The following SLC26A8 variants were observed in gnomAD, a reference collection of about 807,000 sequenced individuals.
SLC26A8 encodes testis anion transporter 1.
SLC26A8 carries 70 observed loss-of-function variants against 105.0 expected under a neutral mutation model. The ratio of observed to expected loss-of-function variants is 0.67; its 90% CI spans 0.55 to 0.81. The LOEUF (loss-of-function observed/expected upper bound fraction) is 0.81, where lower values mean the gene tolerates loss of function less well. SLC26A8 is among the 40% of genes least tolerant of loss of function. The probability of loss-of-function intolerance (pLI) is 0.00; values close to 1 mark genes in which losing one functional copy is unlikely to be tolerated. For missense variants in SLC26A8, 998 were observed against 1,181.8 expected (o/e 0.84, Z 2.28); for synonymous variants, 415 against 438.3 (o/e 0.95, Z 0.66).
At chr6:36,000,394 T>C (rs1373518486) in intron 3 of SLC26A8, among the ~76,000 whole-genome samples, 11 of 152,194 alleles carry the variant, frequency 7.2e-5, no homozygotes, top group Admixed American at 2.0e-4. Flanking sequence ...GCAAATACCA[T>C]AGCAATAAGA....
chr6:35,966,354 T>C lies in SLC26A8; in HGVS notation c.1365+2523A>G, dbSNP rs571637494. On this transcript the variant is annotated intron_variant, in intron 11 of 19. Coordinates refer to ENST00000490799, the MANE Select transcript of SLC26A8 (RefSeq NM_052961.4). ...GGGAAGGAAAATAAACTCAACCTCA[T>C]AGGGTTTTTGAAAGGTTTTTGACTT... Among the ~76,000 whole-genome samples, 6 of 152,282 alleles carry C rather than the reference T, an allele frequency of 3.9e-5. No homozygotes were observed. The East Asian group carries it at 9.6e-4, about 24-fold the overall frequency.
chr6:35,970,888 C>A (rs367637873), intron 10 of SLC26A8, among the ~76,000 whole-genome samples: 12 of 152,054 alleles, frequency 7.9e-5, no homozygotes, highest in Admixed American at 2.0e-4. Flanking sequence ...ATTAGCTGGG[C>A]GTAGTGGCAG....
At chr6:35,960,262 C>T (rs943353084) in intron 14 of SLC26A8, 25 of 158,956 alleles carry the variant, frequency 1.6e-4, no homozygotes, top group Non-Finnish European at 1.4e-5. Flanking sequence ...CTGCTGTCTT[C>T]TTTCTCCCTT....
rs755136588 is a variant in SLC26A8 at position 35,982,424 on chromosome 6, C to G, written c.943-221G>C. 5.9e-4 allele frequency among the ~76,000 whole-genome samples: 90 copies of G among 152,258 alleles called. 1 individual carries two copies. Among genetic ancestry groups the G allele is most frequent in the Admixed American group, 4.2e-3 (64 of 15,280 alleles). ...TCTTTTGGTTCTCTAAGCCAGAGTG[C>G]AAAACAACTTGGTCTGTGAACATGA... On this transcript the variant is annotated intron_variant, in intron 7 of 19. Transcript: ENST00000490799.
chr6:35,944,233 C>T lies in SLC26A8; in HGVS notation c.2580G>A (p.Leu860=). The T allele has an allele frequency of 6.2e-7, 1 of 1,614,066 alleles. No homozygotes were observed. The highest frequency in any genetic ancestry group is 8.5e-7 in the Non-Finnish European group (1 of 1,179,968). Residue 860 remains leucine (L), a synonymous_variant, in exon 20 of 20, where the codon TTG becomes TTA. Transcript: ENST00000490799. ...CTTGTTCTGATTCCAGCTCCAAATC[C>T]AACTCCGACTCCTCTTCTACAGGCT... The part of the protein sequence containing the change: ...IQQPVEEESE[L]DLELESEQEA...
rs192413218 is a variant in SLC26A8, at chr6:35,953,108, G to A, written c.2233-1609C>T. On this transcript the variant is annotated intron_variant, in intron 17 of 19. Coordinates refer to ENST00000490799, the MANE Select transcript of SLC26A8 (RefSeq NM_052961.4). ...AAATAGAATGATTTCTTCCAATAAG[G>A]AGGCAGTATACACAACTACAAAGGA... is the stretch of plus-strand genomic sequence containing the variant. Among the ~76,000 whole-genome samples the A allele has an allele frequency of 3.8e-3, 580 of 151,914 alleles. 6 individuals carry two copies. The Middle Eastern group carries it at 0.055, about 14-fold the overall frequency.
chr6:36,024,139 A>AGTCT (rs1562082218), intron 1 of SLC26A8, among the ~76,000 whole-genome samples: 1 of 152,118 alleles, frequency 6.6e-6, no homozygotes, highest in East Asian at 1.9e-4. Flanking sequence ...TCTGAAAGGA[A>AGTCT]GAGGAACGGC....
intron 19 of SLC26A8, among the ~76,000 whole-genome samples, chr6:35,947,037 AT>A (rs956084220): frequency 4.0e-5 from 6 of 150,234 alleles, no homozygotes; most frequent in African/African-American, 9.8e-5. Context: ...TTATTTTTTA[AT>A]TTTTTTTTGA....
chr6:35,955,555 G>C (rs1241323275), intron 16 of SLC26A8, 35 bp from the exon 17 acceptor site: 2 of 1,602,496 alleles, frequency 1.2e-6, no homozygotes, highest in Non-Finnish European at 1.7e-6. Context: ...GCTGTGGTAA[G>C]ACACCAACAA....
intron 10 of SLC26A8, among the ~76,000 whole-genome samples, chr6:35,973,704 G>A (rs948287574): frequency 6.6e-6 from 1 of 152,132 alleles, no homozygotes; most frequent in African/African-American, 2.4e-5. Context: ...TAATCTTTCT[G>A]ACTTGTATTA....
chr6:36,002,208 G>A (rs905616053), intron 3 of SLC26A8, among the ~76,000 whole-genome samples: 1 of 152,146 alleles, frequency 6.6e-6, no homozygotes, highest in Non-Finnish European at 1.5e-5. Flanking sequence ...CCTCATCAGA[G>A]ACTGGAACCG....
intron 2 of SLC26A8, among the ~76,000 whole-genome samples, chr6:36,015,812 A>G (rs1761981072): frequency 8.0e-6 from 1 of 124,448 alleles, no homozygotes; most frequent in Admixed American, 8.3e-5. Context: ...CAAGGAGAGG[A>G]CAGTCTGGAG....
chr6:36,020,958 T>C (rs1328453429), intron 1 of SLC26A8, among the ~76,000 whole-genome samples: 1 of 152,234 alleles, frequency 6.6e-6, no homozygotes, highest in Non-Finnish European at 1.5e-5. Flanking sequence ...CAACATTTAT[T>C]GGGCATTTAT....
At chr6:35,982,355 G>A in intron 7 of SLC26A8, 152 bp from the exon 8 acceptor site, 1 of 694,538 alleles carries the variant, frequency 1.4e-6, no homozygotes, top group Non-Finnish European at 2.4e-6. Context: ...GAGAGGCATG[G>A]CTAGTTCAGC....
At chr6:36,013,433 G>A (rs1359272667) in intron 2 of SLC26A8, among the ~76,000 whole-genome samples, 3 of 152,016 alleles carry the variant, frequency 2.0e-5, no homozygotes, top group South Asian at 2.1e-4. Flanking sequence ...TGCTCGCCTC[G>A]GCCTCCCAAA....
chr6:36,008,770 T>C (rs1761763613), intron 3 of SLC26A8, among the ~76,000 whole-genome samples: 1 of 152,100 alleles, frequency 6.6e-6, no homozygotes, highest in South Asian at 2.1e-4. Flanking sequence ...TATGAAAAGG[T>C]GTTAAATATC....
Position 35,951,246 on chromosome 6 carries a change from A to G in SLC26A8, c.2389T>C (p.Ser797Pro). The change falls in exon 19 of 20, where the codon TCA (serine) becomes CCA (proline). Residue 797 changes from serine to proline, a missense_variant. Ser to Pro is a moderately conservative substitution (Grantham distance 74). Transcript: ENST00000490799. ...TCAGAGGAGCCTATGACCTTCCTTG[A>G]CAAGGCAAACAGCACGGCGTCGTGA... is the stretch of plus-strand genomic sequence containing the variant. ...SVHDAVLFAL[S>P]RKVIGSSELS... 1 of 1,614,050 alleles carries G rather than the reference A, an allele frequency of 6.2e-7. No homozygotes were observed. Among genetic ancestry groups the G allele is most frequent in the Non-Finnish European group, 8.5e-7 (1 of 1,180,018 alleles).
intron 2 of SLC26A8, among the ~76,000 whole-genome samples, chr6:36,014,153 T>C (rs771869411): frequency 6.6e-6 from 1 of 152,194 alleles, no homozygotes. Flanking sequence ...TGAGCCTCTG[T>C]GGAGAAGAGT....
chr6:35,955,137 C>A lies in SLC26A8; in HGVS notation c.2232+15G>T, dbSNP rs372482858. 4.3e-6 allele frequency: 7 copies of A among 1,613,748 alleles called. No homozygotes were observed. Among genetic ancestry groups the A allele is most frequent in the Non-Finnish European group, 5.9e-6 (7 of 1,179,944 alleles). On this transcript the variant is annotated intron_variant, in intron 17 of 19. Coordinates refer to ENST00000490799, the MANE Select transcript of SLC26A8 (RefSeq NM_052961.4). The stretch of plus-strand genomic sequence containing the variant: ...GGGGGATCAGAGCTCCTGCCAAGGC[C>A]TCCTCAGTACTTACCTGTCTTAATA...
Sources: allele counts gnomAD v4.1 joint callset (sites outside exome capture counted in the v4.1 genomes callset), GRCh38; gene constraint gnomAD v4.1.1; transcripts MANE v1.5; gene names NCBI Gene and HGNC (gene_info 2026-07-23, HGNC 2026-07-21).